The following CD163L1 variants were observed in gnomAD, a reference collection of about 807,000 sequenced individuals.
CD163L1 encodes the protein CD163 molecule like 1, also known as scavenger receptor cysteine-rich type 1 protein M160.
In CD163L1, 124 loss-of-function variants were observed where a neutral mutation model predicts 165.4. The observed-to-expected ratio is 0.75, with a 90% CI of 0.65 to 0.87. The LOEUF (loss-of-function observed/expected upper bound fraction) is 0.87, where lower values mean the gene tolerates loss of function less well. Ranked by LOEUF, CD163L1 falls within the 40% of genes least tolerant of loss-of-function variation. The pLI, the probability that CD163L1 is intolerant of heterozygous loss-of-function variation, is 0.00. For missense variants in CD163L1, 1,525 were observed against 1,799.9 expected, an observed-to-expected ratio of 0.85 and a Z score of 2.76; for synonymous variants, 585 against 662.2, an observed-to-expected ratio of 0.88 and a Z score of 1.79.
At chr12:7,412,265 AT>A (rs1194026661) in intron 4 of CD163L1, among the ~76,000 whole-genome samples, 1 of 152,222 alleles carries the variant, frequency 6.6e-6, no homozygotes, top group African/African-American at 2.4e-5. Context: ...GGTCACATAA[AT>A]CTTTTGGCTG....
the CD163L1 span, among the ~76,000 whole-genome samples, chr12:7,331,677 T>C: frequency 6.6e-6 from 1 of 152,346 alleles, no homozygotes; most frequent in South Asian, 2.1e-4. Flanking sequence ...AAACAGGGTC[T>C]GGAATGGACC....
Position 7,432,296 on chromosome 12 carries a change from C to T in CD163L1, c.766+120G>A, listed in dbSNP as rs1948642661. ...CCAGAATGGAGCAATTTCAGGGTAA[C>T]AAAAATGTGTTATAACCAGAGAAAA... On this transcript the variant is annotated intron_variant, in intron 4 of 19. Transcript: ENST00000313599. The surrounding 1 kb of genome is among the most constrained non-coding windows in gnomAD (Gnocchi z 4.2). The T allele has an allele frequency of 1.3e-6, 1 of 759,352 alleles. No individual in the cohort carries two copies. The highest frequency in any genetic ancestry group is 1.8e-5 in the African/African-American group (1 of 56,838). 47.0% of individuals were successfully genotyped at this position (759,352 alleles called of 1,614,324 possible).
chr12:7,332,291 C>A, the CD163L1 span, among the ~76,000 whole-genome samples: 1 of 152,102 alleles, frequency 6.6e-6, no homozygotes, highest in Non-Finnish European at 1.5e-5. Context: ...TGTGAAAAGA[C>A]CAAATCTACA....
At chr12:7,345,992 G>A (rs1946667709), downstream of CD163L1, among the ~76,000 whole-genome samples, 1 of 152,154 alleles carries the variant, frequency 6.6e-6, no homozygotes, top group African/African-American at 2.4e-5. Flanking sequence ...CTGTGCCTAT[G>A]ACCCAAATAC....
chr12:7,381,643 A>T (rs1947410866), intron 8 of CD163L1, among the ~76,000 whole-genome samples: 1 of 152,114 alleles, frequency 6.6e-6, no homozygotes, highest in Non-Finnish European at 1.5e-5. Context: ...AAATTTTTTT[A>T]AATGGGGTTT....
At chr12:7,320,902 A>C in the CD163L1 span, 6 of 1,044,852 alleles carry the variant, frequency 5.7e-6, no homozygotes, top group African/African-American at 1.6e-5. Context: ...AGGCTTTCTC[A>C]GTCTTACCAC....
chr12:7,437,607 T>C (rs1173468113), intron 2 of CD163L1, among the ~76,000 whole-genome samples: 2 of 151,390 alleles, frequency 1.3e-5, no homozygotes, highest in African/African-American at 4.8e-5. Flanking sequence ...GCCCTTGTGA[T>C]AGTCTGCTCA....
chr12:7,402,046 T>C (rs979005115), intron 6 of CD163L1, among the ~76,000 whole-genome samples: 11 of 151,972 alleles, frequency 7.2e-5, no homozygotes, highest in African/African-American at 2.7e-4. Flanking sequence ...AATTCCACTC[T>C]GCAATTTCTG....
the CD163L1 span, among the ~76,000 whole-genome samples, chr12:7,325,841 A>G: frequency 6.6e-6 from 1 of 152,072 alleles, no homozygotes; most frequent in Non-Finnish European, 1.5e-5. Context: ...TTTCAAAACA[A>G]TTTGTCAGCA....
At chr12:7,345,408 T>C (rs972294802), downstream of CD163L1, among the ~76,000 whole-genome samples, 1 of 152,188 alleles carries the variant, frequency 6.6e-6, no homozygotes, top group African/African-American at 2.4e-5. Flanking sequence ...AGGCATAATG[T>C]GAGTAACCTT....
At chr12:7,437,549 T>C (rs1948754820) in intron 2 of CD163L1, among the ~76,000 whole-genome samples, 1 of 151,774 alleles carries the variant, frequency 6.6e-6, no homozygotes, top group Admixed American at 6.6e-5. Flanking sequence ...AGTGATCTCA[T>C]TGTTCAATTC....
At chr12:7,443,171 A>G (rs1251177551) in intron 1 of CD163L1, among the ~76,000 whole-genome samples, 1 of 152,206 alleles carries the variant, frequency 6.6e-6, no homozygotes, top group Non-Finnish European at 1.5e-5. Context: ...TTCAAAAAGG[A>G]GGCTTTGAAA....
At chr12:7,357,719 T>C (rs1177582630) in intron 18 of CD163L1, 1 of 293,002 alleles carries the variant, frequency 3.4e-6, no homozygotes, top group African/African-American at 2.2e-5. Flanking sequence ...TATCAGATTA[T>C]CAGATTTGCT....
intron 2 of CD163L1, chr12:7,439,854 C>A (rs1948792343): frequency 6.2e-6 from 10 of 1,612,248 alleles, no homozygotes; most frequent in Non-Finnish European, 8.5e-6. Context: ...CAAAGGCCTC[C>A]GCTCCTCTCG....
At chr12:7,371,739 A>G (rs984752066) in intron 14 of CD163L1, among the ~76,000 whole-genome samples, 1 of 152,036 alleles carries the variant, frequency 6.6e-6, no homozygotes, top group Non-Finnish European at 1.5e-5. Flanking sequence ...TAGATGGCCA[A>G]TGACAGGGAT....
intron 8 of CD163L1, among the ~76,000 whole-genome samples, chr12:7,388,704 A>T (rs992387391): frequency 2.1e-5 from 3 of 144,948 alleles, no homozygotes; most frequent in Non-Finnish European, 4.5e-5. Context: ...AGATTGTGCC[A>T]CTCCACCCCA....
the CD163L1 span, chr12:7,322,271 C>A: frequency 1.9e-6 from 2 of 1,076,224 alleles, no homozygotes; most frequent in Non-Finnish European, 1.4e-6. Context: ...GGCAATATAG[C>A]AGGTGTTCAA....
At chr12:7,427,176 GAAC>G (rs34235937) in intron 4 of CD163L1, among the ~76,000 whole-genome samples, 15,242 of 151,996 alleles carry the variant, frequency 0.1, 1,336 homozygotes, top group African/African-American at 0.23. Context: ...TAGCGGACTT[GAAC>G]AACACTATAG....
At chr12:7,345,042 G>T (rs1946659878), downstream of CD163L1, among the ~76,000 whole-genome samples, 1 of 152,014 alleles carries the variant, frequency 6.6e-6, no homozygotes, top group Non-Finnish European at 1.5e-5. Flanking sequence ...TCACTGTCTT[G>T]GCTATCAGCA....
Sources: allele counts gnomAD v4.1 joint callset (sites outside exome capture counted in the v4.1 genomes callset), GRCh38; gene constraint gnomAD v4.1.1; non-coding constraint Gnocchi (gnomAD v3.1); transcripts MANE v1.5; gene names NCBI Gene and HGNC (gene_info 2026-07-23, HGNC 2026-07-21).